The following C15orf61 variants were observed in gnomAD, a reference collection of about 807,000 sequenced individuals.
The protein encoded by C15orf61 is chromosome 15 open reading frame 61.
Under a neutral mutation model 13.7 loss-of-function variants are expected in C15orf61, and 12 were observed. The ratio of observed to expected loss-of-function variants is 0.88; its 90% confidence interval spans 0.56 to 1.42. C15orf61 has a LOEUF of 1.42. Ranked by LOEUF, C15orf61 falls within the 40% of genes most tolerant of loss-of-function variation. The pLI, the probability that C15orf61 is intolerant of heterozygous loss-of-function variation, is 0.00. For synonymous variants in C15orf61, 92 were observed against 94.1 expected, an observed-to-expected ratio of 0.98 and a Z score of 0.13; for missense variants, 248 against 213.2, an observed-to-expected ratio of 1.16 and a Z score of -1.02.
At chr15:67,522,797 G>T (rs1211734892) in intron 1 of C15orf61, among the ~76,000 whole-genome samples, 1 of 152,166 alleles carries the variant, frequency 6.6e-6, no homozygotes, top group Non-Finnish European at 1.5e-5. Flanking sequence ...CTTCCCTAAA[G>T]AATAATAGGT....
In C15orf61 at chr15:67,521,206, C is replaced by T. The variant is rs1284239128; in HGVS notation, c.-43C>T. The T allele has an allele frequency of 3.4e-6, 4 of 1,175,524 alleles. No homozygotes were observed. The highest frequency in any genetic ancestry group is 4.2e-6 in the Non-Finnish European group (4 of 942,978). The allele number at this position is 1,175,524 out of a possible 1,614,324, so 72.8% of individuals were successfully genotyped here. A position where few individuals can be genotyped will look rare whatever the true frequency, so the allele number is the denominator to read the frequency against. ...CTCGCCCGGGGGCGCGCTTGCGCGCCAGCGGCTGCGGACACCAGCCTGCGT... is the reference window on the plus strand; with the variant it reads ...CTCGCCCGGGGGCGCGCTTGCGCGCTAGCGGCTGCGGACACCAGCCTGCGT... On this transcript the variant is annotated 5_prime_UTR_variant, in exon 1 of 2. Coordinates refer to ENST00000342683, the MANE Select transcript of C15orf61 (RefSeq NM_001143936.2).
intron 1 of C15orf61, among the ~76,000 whole-genome samples, chr15:67,524,242 CCTCA>C (rs2084186024): frequency 6.6e-6 from 1 of 151,790 alleles, no homozygotes; most frequent in Non-Finnish European, 1.5e-5. Context: ...TTTTTTTCTT[CCTCA>C]CTCCATTGAT....
At position 67,525,562 on chromosome 15, in the gene C15orf61, GA is replaced by G. The variant is rs2084193922; in HGVS notation, c.347-850del. Among the ~76,000 whole-genome samples the G allele has an allele frequency of 6.6e-6, 1 of 152,040 alleles. No homozygotes were observed. Among genetic ancestry groups the G allele is most frequent in the Admixed American group, 6.5e-5 (1 of 15,272 alleles). On this transcript the variant is annotated intron_variant, in intron 1 of 1. Transcript: ENST00000342683. This position sits in a 1 kb window ranked among gnomAD's most constrained non-coding sequence, Gnocchi z 4.9. The stretch of plus-strand genomic sequence containing the variant: ...AAATGAGGTTGTTTTCAGATCAATT[GA>G]AAAAATGCTAATAATAGTTTTTTTT...
intron 1 of C15orf61, among the ~76,000 whole-genome samples, chr15:67,523,708 A>G (rs148128092): frequency 1.3e-5 from 2 of 152,342 alleles, no homozygotes; most frequent in Admixed American, 1.3e-4. Context: ...TTTCAGATAT[A>G]AATTTAATTT....
chr15:67,522,800 T>TAA (rs1264897475), intron 1 of C15orf61, among the ~76,000 whole-genome samples: 1 of 152,222 alleles, frequency 6.6e-6, no homozygotes, highest in Non-Finnish European at 1.5e-5. Context: ...CCCTAAAGAA[T>TAA]AATAGGTTAG....
At chr15:67,521,721 G>C (rs1178840021) in intron 1 of C15orf61, 127 bp downstream of exon 1, 1 of 998,708 alleles carries the variant, frequency 1.0e-6, no homozygotes, top group Non-Finnish European at 1.4e-6. Flanking sequence ...GCCTCCCGGC[G>C]CCGGCTTCGC....
At position 67,527,709 on chromosome 15, in the gene C15orf61, G is replaced by A. The variant is rs1333158503; in HGVS notation, c.*1164G>A. On this transcript the variant is annotated 3_prime_UTR_variant, in exon 2 of 2. Coordinates refer to ENST00000342683, the MANE Select transcript of C15orf61 (RefSeq NM_001143936.2). ...TGTCAAGTCAGTAGAGAAAGTGAGT[G>A]GAAGTGACTGAGGTGAAGGCACCAG... 2 of 152,126 alleles carry A rather than the reference G, an allele frequency of 1.3e-5. No homozygotes were observed. Among genetic ancestry groups the A allele is most frequent in the Non-Finnish European group, 2.9e-5 (2 of 67,994 alleles). 9.4% of individuals were successfully genotyped at this position (152,126 alleles called of 1,614,324 possible).
intron 1 of C15orf61, among the ~76,000 whole-genome samples, chr15:67,524,389 C>CT (rs60686289): frequency 0.16 from 24,788 of 150,874 alleles, 2,611 homozygotes; most frequent in African/African-American, 0.3. Flanking sequence ...AGCCACTTGC[C>CT]TTTTTTTTTC....
rs932063560 is a variant in C15orf61, at chr15:67,522,018, G to C, written c.346+424G>C. ...AGCTGCGTTTATGTTGCAATAACTG[G>C]AACTACTCTTTTAAGTTTCTTTTGT... On this transcript the variant is annotated intron_variant, in intron 1 of 1. Coordinates refer to ENST00000342683, the MANE Select transcript of C15orf61 (RefSeq NM_001143936.2). 12 of 698,892 alleles carry C rather than the reference G, an allele frequency of 1.7e-5. No individual in the cohort carries two copies. In the African/African-American group the frequency reaches 1.9e-4, roughly 11 times the overall value. The allele number at this position is 698,892 out of a possible 1,614,324, so 43.3% of individuals were successfully genotyped here. A position where few individuals can be genotyped will look rare whatever the true frequency, so the allele number is the denominator to read the frequency against.
rs1389193016 is a variant in C15orf61, at chr15:67,521,228, G to A, written c.-21G>A. 4.2e-5 allele frequency: 51 copies of A among 1,213,970 alleles called. No homozygotes were observed. In the East Asian group the frequency reaches 1.4e-3, roughly 33 times the overall value. The allele number at this position is 1,213,970 out of a possible 1,614,324, so 75.2% of individuals were successfully genotyped here. A position where few individuals can be genotyped will look rare whatever the true frequency, so the allele number is the denominator to read the frequency against. Reference sequence around the variant, plus strand: ...CGCCAGCGGCTGCGGACACCAGCCTGCGTCCCCGGCGCGGCGGGCCATGGA... The same window carrying A: ...CGCCAGCGGCTGCGGACACCAGCCTACGTCCCCGGCGCGGCGGGCCATGGA... On this transcript the variant is annotated 5_prime_UTR_variant, in exon 1 of 2. Coordinates refer to ENST00000342683, the MANE Select transcript of C15orf61 (RefSeq NM_001143936.2).
Position 67,521,405 on chromosome 15 carries a change from G to T in C15orf61, c.157G>T (p.Val53Leu). 2 of 1,543,292 alleles carry T rather than the reference G, an allele frequency of 1.3e-6. No homozygotes were observed. The change falls in exon 1 of 2, where the codon GTG (valine) becomes TTG (leucine). Residue 53 changes from valine to leucine, a missense_variant. Val to Leu is a conservative substitution (Grantham distance 32). Transcript: ENST00000342683. The stretch of plus-strand genomic sequence containing the variant: ...CCTGCCGCACTGGACCTCCTTCTGC[G>T]TGCCCTACAGCGCCGTCCGCAACGA... ...RRLPHWTSFC[V>L]PYSAVRNDQF...
In C15orf61 at chr15:67,525,754, C is replaced by T. The variant is rs2084195229; in HGVS notation, c.347-664C>T. Among the ~76,000 whole-genome samples the T allele has an allele frequency of 6.6e-6, 1 of 152,166 alleles. No homozygotes were observed. The highest frequency in any genetic ancestry group is 1.5e-5 in the Non-Finnish European group (1 of 68,022). On this transcript the variant is annotated intron_variant, in intron 1 of 1. Transcript: ENST00000342683. This position sits in a 1 kb window ranked among gnomAD's most constrained non-coding sequence, Gnocchi z 4.9. The stretch of plus-strand genomic sequence containing the variant: ...TGTTGGCCGGGCGCGGTGGCTCACA[C>T]CTGTAATCCCAGCACTTTCGGAGGC...
rs971544936 is a variant in C15orf61, at chr15:67,528,178, A to C, written c.*1633A>C. Reference sequence around the variant, plus strand: ...TACCAGACTATAAATACAGCTTTTCAGTAGAGTTGCACCTCTTTTCACACT... The same window carrying C: ...TACCAGACTATAAATACAGCTTTTCCGTAGAGTTGCACCTCTTTTCACACT... On this transcript the variant is annotated 3_prime_UTR_variant, in exon 2 of 2. Transcript: ENST00000342683. The C allele has an allele frequency of 3.3e-5, 5 of 152,244 alleles. No individual in the cohort carries two copies. Among genetic ancestry groups the C allele is most frequent in the African/African-American group, 1.2e-4 (5 of 41,470 alleles). 9.4% of individuals were successfully genotyped at this position (152,244 alleles called of 1,614,324 possible).
chr15:67,521,146 G>T lies in C15orf61; in HGVS notation c.-103G>T. On this transcript the variant is annotated 5_prime_UTR_variant, in exon 1 of 2. Transcript: ENST00000342683. Reference sequence around the variant, plus strand: ...GCGCCGCCGCACACCGGGGGCTCTCGGGCACCCGCGCGGCGCCGGTTGGCC... The same window carrying T: ...GCGCCGCCGCACACCGGGGGCTCTCTGGCACCCGCGCGGCGCCGGTTGGCC... The T allele has an allele frequency of 1.3e-6, 1 of 750,810 alleles. No homozygotes were observed. Among genetic ancestry groups the T allele is most frequent in the Non-Finnish European group, 1.7e-6 (1 of 591,194 alleles). 46.5% of individuals were successfully genotyped at this position (750,810 alleles called of 1,614,324 possible).
At chr15:67,523,900 C>T (rs188874062) in intron 1 of C15orf61, among the ~76,000 whole-genome samples, 13 of 152,300 alleles carry the variant, frequency 8.5e-5, no homozygotes, top group Admixed American at 3.9e-4. Flanking sequence ...CAGATCATAA[C>T]TCCATCTCCT....
intron 1 of C15orf61, 110 bp downstream of exon 1, chr15:67,521,704 C>G (rs1266554774): frequency 8.8e-7 from 1 of 1,132,716 alleles, no homozygotes; most frequent in Non-Finnish European, 1.2e-6. Context: ...CCGCGGGAGT[C>G]AGCTCTGCCT....
rs897585408 is a variant in C15orf61, at chr15:67,527,490, A to G, written c.*945A>G. ...CCCAGATGAATGGTAAATTTCAGAC[A>G]TTTGGAGTAATTTAGGGAGAACTAA... On this transcript the variant is annotated 3_prime_UTR_variant, in exon 2 of 2. Coordinates refer to ENST00000342683, the MANE Select transcript of C15orf61 (RefSeq NM_001143936.2). 2.6e-5 allele frequency: 4 copies of G among 152,212 alleles called. No homozygotes were observed. Among genetic ancestry groups the G allele is most frequent in the African/African-American group, 9.6e-5 (4 of 41,466 alleles). 9.4% of individuals were successfully genotyped at this position (152,212 alleles called of 1,614,324 possible).
At position 67,527,750 on chromosome 15, in the gene C15orf61, C is replaced by G. The variant is rs888786690; in HGVS notation, c.*1205C>G. ...AAGGCACCAGAATAATGAAGTAATA[C>G]AAACTAGCTTCGTTAAAGGTAGTCA... On this transcript the variant is annotated 3_prime_UTR_variant, in exon 2 of 2. Transcript: ENST00000342683. 5 of 152,162 alleles carry G rather than the reference C, an allele frequency of 3.3e-5. No homozygotes were observed. The highest frequency in any genetic ancestry group is 1.2e-4 in the African/African-American group (5 of 41,446). 9.4% of individuals were successfully genotyped at this position (152,162 alleles called of 1,614,324 possible).
At position 67,527,590 on chromosome 15, in the gene C15orf61, T is replaced by G. The variant is rs2084205921; in HGVS notation, c.*1045T>G. 1 of 152,216 alleles carries G rather than the reference T, an allele frequency of 6.6e-6. No homozygotes were observed. The highest frequency in any genetic ancestry group is 2.1e-4 in the South Asian group (1 of 4,834). 9.4% of individuals were successfully genotyped at this position (152,216 alleles called of 1,614,324 possible). ...CTCCCATAATTACAAACATACATTA[T>G]ATATCATTTTATGTTAATGTGTTGC... On this transcript the variant is annotated 3_prime_UTR_variant, in exon 2 of 2. Coordinates refer to ENST00000342683, the MANE Select transcript of C15orf61 (RefSeq NM_001143936.2).
Sources: gnomAD v4.1 joint callset for allele counts (sites outside exome capture counted in the v4.1 genomes callset) on GRCh38, gnomAD v4.1.1 for gene constraint, Gnocchi (gnomAD v3.1) non-coding constraint, MANE v1.5 for transcripts, NCBI Gene and HGNC (gene_info 2026-07-23, HGNC 2026-07-21) for gene names.